Variants in RIMBP3 observed in about 807,000 individuals in gnomAD.
RIMBP3 encodes RIMS-binding protein 3A.
Under a neutral mutation model 85.4 loss-of-function variants are expected in RIMBP3, and 1 was observed. The observed-to-expected ratio is 0.01, with a 90% CI of 0.00 to 0.06. The LOEUF (loss-of-function observed/expected upper bound fraction) is 0.06. RIMBP3 is among the 10% of genes least tolerant of loss of function. The pLI is 1.00. For missense variants in RIMBP3, 29 were observed against 1,504.2 expected, an observed-to-expected ratio of 0.02 and a Z score of 16.22; for synonymous variants, 10 against 660.9, an observed-to-expected ratio of 0.02 and a Z score of 15.11.
chr22:18,609,285 AC>A, the RIMBP3 span: 2 of 607,194 alleles, frequency 3.3e-6, no homozygotes, highest in Non-Finnish European at 5.2e-6. Flanking sequence ...GCTACCTTTA[AC>A]TTGGGACTCC....
In RIMBP3 at chr22:18,608,556, A is replaced by G. The variant is rs1178717478; in HGVS notation, c.2879T>C (p.Ile960Thr). ...VGSKTEVATEILDTKTEACQL... is the reference protein window; with the variant it reads ...VGSKTEVATETLDTKTEACQL... Reference sequence around the variant, plus strand: ...GCAGGCTTCCGTCTTGGTATCCAGGATCTCTGTTGCTACTTCTGTCTTGGA... The same window carrying G: ...GCAGGCTTCCGTCTTGGTATCCAGGGTCTCTGTTGCTACTTCTGTCTTGGA... The change falls in exon 1 of 1, where the codon ATC (isoleucine) becomes ACC (threonine). Residue 960 changes from isoleucine (I) to threonine (T), a missense_variant. By Grantham distance (89) the Ile-to-Thr change is moderately conservative. Coordinates refer to ENST00000619918, the MANE Select transcript of RIMBP3 (RefSeq NM_015672.2). 1 of 1,611,768 alleles carries G rather than the reference A, an allele frequency of 6.2e-7. No homozygotes were observed.
At chr22:18,609,947 CA>C in the RIMBP3 span, 5 of 1,305,396 alleles carry the variant, frequency 3.8e-6, no homozygotes, top group Non-Finnish European at 5.1e-6. Flanking sequence ...CACGCGCCTG[CA>C]GGAGGTGGCA....
the RIMBP3 span, chr22:18,607,745 G>GC: frequency 6.9e-7 from 1 of 1,448,964 alleles, no homozygotes; most frequent in Non-Finnish European, 9.4e-7. Context: ...TTCCAGGGTT[G>GC]TGGGGGCTGG....
Position 18,608,286 on chromosome 22 carries a change from G to A in RIMBP3, c.3149C>T (p.Thr1050Met), listed in dbSNP as rs370505908. The A allele has an allele frequency of 1.8e-4, 285 of 1,611,618 alleles. No individual in the cohort carries two copies. In the Admixed American group the frequency reaches 2.0e-3, roughly 11 times the overall value. ...CACCTCCACCCGCGCCCGGTAGTGC[G>A]TGCCGGGGCACAGGCCCTGGAAGGT... The part of the protein sequence containing the change: ...CYTFQGLCPG[T>M]HYRARVEVRL... The change falls in exon 1 of 1, where the codon ACG (threonine) becomes ATG (methionine). Residue 1050 changes from threonine to methionine, a missense_variant. Thr to Met is a moderately conservative substitution (Grantham distance 81, BLOSUM62 -1). Transcript: ENST00000619918.
In RIMBP3 at chr22:18,608,278, G is replaced by C; in HGVS notation, c.3157C>G (p.Arg1053Gly). Residue 1053 changes from arginine (R) to glycine (G), a missense_variant, in exon 1 of 1, where the codon CGG (arginine) becomes GGG (glycine). Coordinates refer to ENST00000619918, the MANE Select transcript of RIMBP3 (RefSeq NM_015672.2). The part of the protein sequence containing the change: ...FQGLCPGTHY[R>G]ARVEVRLPRD... ...GGCAGCCGCACCTCCACCCGCGCCC[G>C]GTAGTGCGTGCCGGGGCACAGGCCC... 6.2e-7 allele frequency: 1 copy of C among 1,611,868 alleles called. No individual in the cohort carries two copies. The highest frequency in any genetic ancestry group is 8.5e-7 in the Non-Finnish European group (1 of 1,179,726).
the RIMBP3 span, chr22:18,607,143 GGAGCTGGACACAGTGCC>G: frequency 2.7e-6 from 4 of 1,506,012 alleles, no homozygotes; most frequent in Non-Finnish European, 3.6e-6. Context: ...TTTGGCGGAT[GGAGCTGGACACAGTGCC>G]GAGCTGGGCT....
chr22:18,608,142 G>T lies in RIMBP3; in HGVS notation c.3293C>A (p.Ala1098Asp), dbSNP rs1933424729. 1 of 1,607,810 alleles carries T rather than the reference G, an allele frequency of 6.2e-7. No individual in the cohort carries two copies. Among genetic ancestry groups the T allele is most frequent in the African/African-American group, 1.3e-5 (1 of 74,822 alleles). Residue 1098 changes from alanine (A) to aspartate (D), a missense_variant, in exon 1 of 1, where the codon GCC becomes GAC. Ala to Asp is a moderately radical substitution (Grantham distance 126, BLOSUM62 -2). Transcript: ENST00000619918. ...PPLDVLVERH[A>D]SPGVLVVSWL... ...GCTGACCACCAGGACACCTGGCGAG[G>T]CATGGCGCTCCACCAGCACATCCAG...
At chr22:18,609,302 TTGAC>T in the RIMBP3 span, 123 of 643,316 alleles carry the variant, frequency 1.9e-4, no homozygotes, top group Non-Finnish European at 2.8e-4. Context: ...ACTCCGGCAT[TTGAC>T]TGGTCTCCCA....
In RIMBP3 at chr22:18,610,148, C is replaced by G; in HGVS notation, c.1287G>C (p.Arg429=). ...GCTTGCGGGCGCGGTCAGCTAGGCG[C>G]CGCGCGAGCCCGGTCAGCTCCGCGC... ...VKRAELTGLA[R]RLADRARKLQ... is the part of the protein sequence containing the mutation. The change falls in exon 1 of 1, where the codon CGG becomes CGC. Residue 429 remains arginine, a synonymous_variant. Transcript: ENST00000619918. 1 of 836,490 alleles carries G rather than the reference C, an allele frequency of 1.2e-6. No individual in the cohort carries two copies. The highest frequency in any genetic ancestry group is 1.7e-6 in the Non-Finnish European group (1 of 576,856). 51.8% of individuals were successfully genotyped at this position (836,490 alleles called of 1,614,324 possible). A position where few individuals can be genotyped will look rare whatever the true frequency, so the allele number is the denominator to read the frequency against.
rs779983292 is a variant in RIMBP3, at chr22:18,608,309, G to C, written c.3126C>G (p.Thr1042=). ...GCGTGCCGGGGCACAGGCCCTGGAA[G>C]GTGTAGCAGCTCACGCCCGCTGGGG... is the stretch of plus-strand genomic sequence containing the variant. ...ALTPAGVSCY[T]FQGLCPGTHY... Residue 1042 remains threonine (T), a synonymous_variant, in exon 1 of 1, where the codon ACC becomes ACG. Transcript: ENST00000619918. 1 of 1,611,686 alleles carries C rather than the reference G, an allele frequency of 6.2e-7. No individual in the cohort carries two copies. The highest frequency in any genetic ancestry group is 1.3e-5 in the African/African-American group (1 of 74,892).
At position 18,609,480 on chromosome 22, in the gene RIMBP3, GCAT is replaced by G; in HGVS notation, c.1952_1954del (p.Asp651del). ...CAGCTGTTCGGCGATCAAGCCGGAG[GCAT>G]CGCGCTCTTGACACGCGCGGCCCAG... is the stretch of plus-strand genomic sequence containing the variant. On this transcript the variant is annotated inframe_deletion, in exon 1 of 1. Coordinates refer to ENST00000619918, the MANE Select transcript of RIMBP3 (RefSeq NM_015672.2). 1 of 1,473,616 alleles carries G rather than the reference GCAT, an allele frequency of 6.8e-7. No homozygotes were observed. Among genetic ancestry groups the G allele is most frequent in the Non-Finnish European group, 9.0e-7 (1 of 1,114,300 alleles). The allele number at this position is 1,473,616 out of a possible 1,614,324, so 91.3% of individuals were successfully genotyped here.
chr22:18,610,304 G>C lies in RIMBP3; in HGVS notation c.1131C>G (p.Asn377Lys), dbSNP rs758551228. The C allele has an allele frequency of 2.9e-6, 2 of 684,708 alleles. No homozygotes were observed. The highest frequency in any genetic ancestry group is 8.6e-5 in the East Asian group (2 of 23,132). 42.4% of individuals were successfully genotyped at this position (684,708 alleles called of 1,614,324 possible). Reference protein sequence around the residue: ...GLGHHELIKLNWLLAKALWVL... With the variant: ...GLGHHELIKLKWLLAKALWVL... ...CCCACAACGCCTTGGCCAGCAGCCA[G>C]TTCAGCTTTATCAGCTCGTGGTGGC... The change falls in exon 1 of 1, where the codon AAC becomes AAG. Residue 377 changes from asparagine to lysine, a missense_variant. Coordinates refer to ENST00000619918, the MANE Select transcript of RIMBP3 (RefSeq NM_015672.2).
the RIMBP3 span, chr22:18,606,901 CG>C: frequency 1.2e-6 from 1 of 857,876 alleles, no homozygotes; most frequent in Non-Finnish European, 1.7e-6. Flanking sequence ...ACTAGGCGCC[CG>C]GGGATATTGC....
the RIMBP3 span, chr22:18,609,152 ACTGG>A: frequency 1.1e-5 from 8 of 718,760 alleles, no homozygotes; most frequent in Non-Finnish European, 1.7e-5. Flanking sequence ...CTTGGGGGAC[ACTGG>A]CTGACTCCCC....
In RIMBP3 at chr22:18,609,074, AGAG is replaced by A. The variant is rs1415308290; in HGVS notation, c.2358_2360del (p.Ser787del). The A allele has an allele frequency of 3.4e-5, 40 of 1,170,244 alleles. No individual in the cohort carries two copies. Among genetic ancestry groups the A allele is most frequent in the Non-Finnish European group, 4.1e-5 (35 of 854,252 alleles). 72.5% of individuals were successfully genotyped at this position (1,170,244 alleles called of 1,614,324 possible). On this transcript the variant is annotated inframe_deletion, in exon 1 of 1. Transcript: ENST00000619918. Reference sequence around the variant, plus strand: ...GCACGGTGGCCCACATCGACCCCTCAGAGGAGGAGTTTGACTGGGAGCTGGTTT... The same window carrying A: ...GCACGGTGGCCCACATCGACCCCTCAGAGGAGTTTGACTGGGAGCTGGTTT...
In RIMBP3 at chr22:18,609,802, GCAT is replaced by G; in HGVS notation, c.1630_1632del (p.Met544del). 1 of 1,469,578 alleles carries G rather than the reference GCAT, an allele frequency of 6.8e-7. No homozygotes were observed. 91.0% of individuals were successfully genotyped at this position (1,469,578 alleles called of 1,614,324 possible). ...CAAGCGCCACCGTTGCCCTGCTGAAGCATCAACTGCCTCTGCAGGCGCAGCACT... is the reference window on the plus strand; with the variant it reads ...CAAGCGCCACCGTTGCCCTGCTGAAGCAACTGCCTCTGCAGGCGCAGCACT... On this transcript the variant is annotated inframe_deletion, in exon 1 of 1. Transcript: ENST00000619918.
rs1384439503 is a variant in RIMBP3 at position 18,608,389 on chromosome 22, T to A, written c.3046A>T (p.Ser1016Cys). ...ACCACATGGGGGTGGCGGTGGCTGC[T>A]GTAGACCCAGGTGATGTTGGCTGAT... is the stretch of plus-strand genomic sequence containing the variant. ...ATSANITWVYSSHRHPHVVYL... is the reference protein window; with the variant it reads ...ATSANITWVYCSHRHPHVVYL... The change falls in exon 1 of 1, where the codon AGC becomes TGC. Residue 1016 changes from serine to cysteine, a missense_variant. Transcript: ENST00000619918. 6.3e-7 allele frequency: 1 copy of A among 1,597,968 alleles called. No homozygotes were observed. Among genetic ancestry groups the A allele is most frequent in the Non-Finnish European group, 8.5e-7 (1 of 1,173,656 alleles).
At position 18,608,498 on chromosome 22, in the gene RIMBP3, C is replaced by G. The variant is rs1933440337; in HGVS notation, c.2937G>C (p.Gln979His). ...TCCCCAGAAGGGGTCTGGAGAGGCCCTGCTTCCCCATGCTCTGCAGCAAGC... is the reference window on the plus strand; with the variant it reads ...TCCCCAGAAGGGGTCTGGAGAGGCCGTGCTTCCCCATGCTCTGCAGCAAGC... Reference protein sequence around the residue: ...QLGLLQSMGKQGLSRPLLGTK... With the variant: ...QLGLLQSMGKHGLSRPLLGTK... The change falls in exon 1 of 1, where the codon CAG (glutamine) becomes CAC (histidine). Residue 979 changes from glutamine to histidine, a missense_variant. By Grantham distance (24) the Gln-to-His change is conservative (BLOSUM62 0). Transcript: ENST00000619918. 1 of 1,609,940 alleles carries G rather than the reference C, an allele frequency of 6.2e-7. No homozygotes were observed. The highest frequency in any genetic ancestry group is 1.3e-5 in the African/African-American group (1 of 74,832).
chr22:18,609,058 C>CAGTGGGAACTGGAG, the RIMBP3 span: 1 of 1,248,256 alleles, frequency 8.0e-7, no homozygotes, highest in African/African-American at 1.6e-5. Flanking sequence ...GGCACGGTGG[C>CAGTGGGAACTGGAG]CCACATCGAC....
Sources: gnomAD v4.1 joint callset for allele counts on GRCh38, gnomAD v4.1.1 for gene constraint, MANE v1.5 for transcripts, NCBI Gene and HGNC (gene_info 2026-07-23, HGNC 2026-07-21) for gene names.